Variants in KAZN observed in about 807,000 individuals in gnomAD.
KAZN encodes the protein kazrin, periplakin interacting protein.
Under a neutral mutation model 87.4 loss-of-function variants are expected in KAZN, and 40 were observed. The observed-to-expected ratio is 0.46, with a 90% confidence interval of 0.36 to 0.60. KAZN has a LOEUF of 0.60. Among genes scored for constraint, KAZN ranks in the 20% least tolerant of loss-of-function variants. The pLI, the probability that KAZN is intolerant of heterozygous loss-of-function variation, is 0.00. For synonymous variants in KAZN, 466 were observed against 458.3 expected, an observed-to-expected ratio of 1.02 and a Z score of -0.22; for missense variants, 898 against 1,073.9, an observed-to-expected ratio of 0.84 and a Z score of 2.29.
chr1:14,418,168 GAACCTTA>G (rs1256524114), intron 2 of KAZN, among the ~76,000 whole-genome samples: 2 of 151,836 alleles, frequency 1.3e-5, no homozygotes, highest in African/African-American at 4.8e-5. Flanking sequence ...CTAAGAATAA[GAACCTTA>G]GATCTTACTA....
intron 2 of KAZN, among the ~76,000 whole-genome samples, chr1:14,590,285 G>A (rs1676115395): frequency 6.6e-6 from 1 of 152,092 alleles, no homozygotes; most frequent in Non-Finnish European, 1.5e-5. Context: ...CCAGGGCCTG[G>A]AATAACAAAT....
chr1:14,639,824 G>A (rs566385245), intron 1 of KAZN, among the ~76,000 whole-genome samples: 2 of 152,232 alleles, frequency 1.3e-5, no homozygotes, highest in East Asian at 1.9e-4. Flanking sequence ...GTGCACACCC[G>A]CTGTGGCCAC....
At chr1:14,575,254 A>G (rs1005181717) in intron 2 of KAZN, among the ~76,000 whole-genome samples, 3 of 152,128 alleles carry the variant, frequency 2.0e-5, no homozygotes, top group Non-Finnish European at 4.4e-5. Flanking sequence ...CTGCTGAGAA[A>G]GACATACCTG....
chr1:14,436,734 A>AC (rs1553172281), intron 2 of KAZN, among the ~76,000 whole-genome samples: 4,215 of 137,344 alleles, frequency 0.031, 137 homozygotes, highest in African/African-American at 0.045. Flanking sequence ...AAAAAAAAAA[A>AC]AAAACCTTAA....
rs765594616 is a variant in KAZN at position 14,133,290 on chromosome 1, C to G, written c.92-47145C>G. ...GCTGAGGAAGGAGAATGGCTTGGAC[C>G]TGGGAGGCAGAGGTTGCAGTGAGCT... On this transcript the variant is annotated intron_variant, in intron 1 of 16. Transcript: ENST00000636203. 3.3e-5 allele frequency among the ~76,000 whole-genome samples: 5 copies of G among 150,478 alleles called. 1 individual carries two copies. In the Middle Eastern group the frequency reaches 0.014, roughly 424 times the overall value.
chr1:14,175,387 G>A lies in KAZN; in HGVS notation c.92-5048G>A, dbSNP rs1426781758. On this transcript the variant is annotated intron_variant, in intron 1 of 16. Transcript: ENST00000636203. ...CGAAGTGCTGGGATTTCAGGCGTGA[G>A]CCACCGCGCCGGGCCCACGGATGGA... Among the ~76,000 whole-genome samples, 5 of 152,362 alleles carry A rather than the reference G, an allele frequency of 3.3e-5. No homozygotes were observed. In the South Asian group the frequency reaches 8.3e-4, roughly 25 times the overall value.
intron 2 of KAZN, among the ~76,000 whole-genome samples, chr1:14,438,165 A>G (rs2101431368): frequency 6.6e-6 from 1 of 151,654 alleles, no homozygotes; most frequent in Non-Finnish European, 1.5e-5. Context: ...ATCCCTTTGC[A>G]GATGCCCTGG....
At chr1:14,325,870 T>C (rs12568762) in intron 2 of KAZN, among the ~76,000 whole-genome samples, 4,465 of 152,250 alleles carry the variant, frequency 0.029, 110 homozygotes, top group East Asian at 0.14. Flanking sequence ...CTCCTCCAAC[T>C]ACCCCATCTA....
chr1:14,829,113 G>A (rs1646982701), intron 1 of KAZN, among the ~76,000 whole-genome samples: 1 of 152,200 alleles, frequency 6.6e-6, no homozygotes, highest in Non-Finnish European at 1.5e-5. Flanking sequence ...CAGGGGCTCT[G>A]TTAGCAGGAA....
chr1:14,564,869 C>G (rs768557646), intron 2 of KAZN, among the ~76,000 whole-genome samples: 1 of 151,984 alleles, frequency 6.6e-6, no homozygotes, highest in Non-Finnish European at 1.5e-5. Context: ...ATAACAGTGC[C>G]TGGCACAGAG....
chr1:14,893,108 C>T (rs898685972), intron 1 of KAZN, among the ~76,000 whole-genome samples: 16 of 152,208 alleles, frequency 1.1e-4, no homozygotes, highest in Non-Finnish European at 2.4e-4. Flanking sequence ...TGGCTCATGC[C>T]TGTAATCCCA....
rs200321745 is a variant in KAZN, at chr1:14,187,042, ATCT to A, written c.249+6454_249+6456del. On this transcript the variant is annotated intron_variant, in intron 2 of 16. Transcript: ENST00000636203. ...AAAGTACTTTTGCCAGCATTTTCTCATCTTCTCAGCCATGAGAGGGACAGGAGG... is the reference window on the plus strand; with the variant it reads ...AAAGTACTTTTGCCAGCATTTTCTCATCTCAGCCATGAGAGGGACAGGAGG... Among the ~76,000 whole-genome samples, 938 of 152,266 alleles carry A rather than the reference ATCT, an allele frequency of 6.2e-3. 5 individuals carry two copies. Among genetic ancestry groups the A allele is most frequent in the African/African-American group, 0.021 (887 of 41,558 alleles).
At chr1:14,552,334 G>A (rs1188319312) in intron 2 of KAZN, among the ~76,000 whole-genome samples, 11 of 152,294 alleles carry the variant, frequency 7.2e-5, no homozygotes, top group East Asian at 3.9e-4. Context: ...CAGGCTCCAC[G>A]GAGAGCGGCC....
At chr1:14,341,085 GT>G (rs1040829176) in intron 2 of KAZN, among the ~76,000 whole-genome samples, 3 of 145,894 alleles carry the variant, frequency 2.1e-5, no homozygotes, top group South Asian at 2.2e-4. Context: ...ATTGGGGGGG[GT>G]TTCACCATGT....
intron 13 of KAZN, among the ~76,000 whole-genome samples, chr1:15,105,902 C>A (rs1414134108): frequency 6.6e-6 from 1 of 152,182 alleles, no homozygotes; most frequent in Non-Finnish European, 1.5e-5. Context: ...CTCAGACTTG[C>A]AGGACAAGTA....
At chr1:14,240,357 T>C (rs1648830150) in intron 2 of KAZN, among the ~76,000 whole-genome samples, 1 of 152,196 alleles carries the variant, frequency 6.6e-6, no homozygotes, top group African/African-American at 2.4e-5. Context: ...GCCCACACTG[T>C]CCATAGGCTC....
At chr1:14,869,003 G>T (rs1482139481) in intron 1 of KAZN, among the ~76,000 whole-genome samples, 2 of 152,138 alleles carry the variant, frequency 1.3e-5, no homozygotes, top group Non-Finnish European at 2.9e-5. Context: ...GGCCCCGGTG[G>T]TATTGTGGGT....
chr1:14,688,361 C>T (rs761682005), intron 1 of KAZN, among the ~76,000 whole-genome samples: 18 of 152,196 alleles, frequency 1.2e-4, no homozygotes, highest in Non-Finnish European at 2.5e-4. Context: ...GAGGCTGCAT[C>T]GATTGTGCTC....
chr1:14,801,004 G>C (rs574447230), intron 1 of KAZN, among the ~76,000 whole-genome samples: 1 of 149,730 alleles, frequency 6.7e-6, no homozygotes, highest in African/African-American at 2.5e-5. Context: ...ACACTGAATT[G>C]TACACTTTAA....
Sources: gnomAD v4.1 joint callset for allele counts (sites outside exome capture counted in the v4.1 genomes callset) on GRCh38, gnomAD v4.1.1 for gene constraint, MANE v1.5 for transcripts, NCBI Gene and HGNC (gene_info 2026-07-23, HGNC 2026-07-21) for gene names.